RP1L1: variants seen among roughly 807,000 people sequenced by gnomAD.
RP1L1 encodes retinitis pigmentosa 1-like 1 protein.
In RP1L1, 27 loss-of-function variants were observed where a neutral mutation model predicts 15.7. The observed-to-expected ratio is 1.72, with a 90% CI of 1.27 to 2.38. The LOEUF is 2.38. RP1L1 is among the 30% of genes most tolerant of loss of function. The pLI, the probability that RP1L1 is intolerant of heterozygous loss-of-function variation, is 0.00. For synonymous variants in RP1L1, 1,813 were observed against 1,276.7 expected, an observed-to-expected ratio of 1.42 and a Z score of -8.96; for missense variants, 4,798 against 3,075.9, an observed-to-expected ratio of 1.56 and a Z score of -13.24.
chr8:10,650,964 A>G (rs1798551094), intron 1 of RP1L1, among the ~76,000 whole-genome samples: 1 of 152,252 alleles, frequency 6.6e-6, no homozygotes, highest in African/African-American at 2.4e-5. Flanking sequence ...TTGATAAGTG[A>G]GCAAGTGAAA....
chr8:10,621,220 TG>T (rs1267451258), intron 2 of RP1L1: 1 of 154,878 alleles, frequency 6.5e-6, no homozygotes, highest in Non-Finnish European at 1.4e-5. Context: ...AATGCGATTG[TG>T]GGGAGAAGGT....
chr8:10,612,819 C>T lies in RP1L1; in HGVS notation c.1279G>A (p.Gly427Arg). 5.6e-6 allele frequency: 9 copies of T among 1,612,072 alleles called. No individual in the cohort carries two copies. Among genetic ancestry groups the T allele is most frequent in the Non-Finnish European group, 7.6e-6 (9 of 1,179,864 alleles). Reference sequence around the variant, plus strand: ...CTGCAGCGGACGTGCTGGGCCAGTCCCCACCTCTTCCGAGCTGCCACTCTC... The same window carrying T: ...CTGCAGCGGACGTGCTGGGCCAGTCTCCACCTCTTCCGAGCTGCCACTCTC... ...GERVAARKRW[G>R]LAQHVRCSGL... Residue 427 changes from glycine (G) to arginine (R), a missense_variant, in exon 4 of 4, where the codon GGA becomes AGA. Coordinates refer to ENST00000382483, the MANE Select transcript of RP1L1 (RefSeq NM_178857.6).
intron 1 of RP1L1, among the ~76,000 whole-genome samples, chr8:10,652,875 G>A (rs1393655371): frequency 2.0e-5 from 3 of 152,176 alleles, no homozygotes; most frequent in Non-Finnish European, 2.9e-5. Context: ...GAACAGAGCA[G>A]GTGCCTAGCT....
At position 10,610,915 on chromosome 8, in the gene RP1L1, G is replaced by A; in HGVS notation, c.3183C>T (p.Asp1061=). 1.2e-6 allele frequency: 2 copies of A among 1,610,958 alleles called. No homozygotes were observed. The highest frequency in any genetic ancestry group is 1.7e-6 in the Non-Finnish European group (2 of 1,179,196). ...CCCTGCAGCCTGCTGGGGCCTCTCT[G>A]TCTGCTCCGGCCTCTGCAGGGGCCT... ...VSEAPAEAGA[D]REAPAGCRVS... Residue 1061 remains aspartate (D), a synonymous_variant, in exon 4 of 4, where the codon GAC becomes GAT. Transcript: ENST00000382483.
In RP1L1 at chr8:10,610,359, G is replaced by C; in HGVS notation, c.3739C>G (p.Pro1247Ala). The C allele has an allele frequency of 1.9e-6, 3 of 1,614,116 alleles. No individual in the cohort carries two copies. The highest frequency in any genetic ancestry group is 2.5e-6 in the Non-Finnish European group (3 of 1,180,042). Residue 1247 changes from proline to alanine, a missense_variant, in exon 4 of 4, where the codon CCA becomes GCA. By Grantham distance (27) the Pro-to-Ala change is conservative (BLOSUM62 -1). Transcript: ENST00000382483. Reference protein sequence around the residue: ...QRPDSRTYESPGDLENQQQCC... With the variant: ...QRPDSRTYESAGDLENQQQCC... ...TGCTGTTGGTTTTCCAGATCCCCTG[G>C]GCTCTCATAAGTTCTTGAATCAGGC... is the stretch of plus-strand genomic sequence containing the variant.
At position 10,625,991 on chromosome 8, in the gene RP1L1, C is replaced by T. The variant is rs564923056; in HGVS notation, c.-19-2771G>A. 5.9e-5 allele frequency among the ~76,000 whole-genome samples: 9 copies of T among 151,682 alleles called. No homozygotes were observed. In the South Asian group the frequency reaches 1.9e-3, roughly 32 times the overall value. On this transcript the variant is annotated intron_variant, in intron 1 of 3. Coordinates refer to ENST00000382483, the MANE Select transcript of RP1L1 (RefSeq NM_178857.6). ...GCAGGGAAGGAAAGCAGAGGCCTTC[C>T]AGCTGTGTGTGGGAGGGGGTAGACG...
Position 10,612,380 on chromosome 8 carries a change from T to C in RP1L1, c.1718A>G (p.Asp573Gly). 1 of 1,612,606 alleles carries C rather than the reference T, an allele frequency of 6.2e-7. No homozygotes were observed. The highest frequency in any genetic ancestry group is 8.5e-7 in the Non-Finnish European group (1 of 1,179,960). ...TSQQEASEGG[D>G]PASPALSLSS... ...AAGACTCAGGGCTGGAGAAGCGGGG[T>C]CGCCTCCCTCGCTGGCCTCCTGCTG... The change falls in exon 4 of 4, where the codon GAC becomes GGC. Residue 573 changes from aspartate to glycine, a missense_variant. Physicochemically the swap from Asp to Gly is moderately conservative, Grantham distance 94 (BLOSUM62 -1). Transcript: ENST00000382483.
Position 10,610,591 on chromosome 8 carries a change from G to A in RP1L1, c.3507C>T (p.Asp1169=). The part of the protein sequence containing the change: ...PGCDVGEDQL[D]SGLWELTWSQ... Reference sequence around the variant, plus strand: ...TCCATGTGAGCTCCCAGAGGCCTGAGTCCAGCTGGTCTTCCCCAACGTCAC... The same window carrying A: ...TCCATGTGAGCTCCCAGAGGCCTGAATCCAGCTGGTCTTCCCCAACGTCAC... The change falls in exon 4 of 4, where the codon GAC becomes GAT. Residue 1169 remains aspartate, a synonymous_variant. Transcript: ENST00000382483. 1 of 1,613,610 alleles carries A rather than the reference G, an allele frequency of 6.2e-7. No homozygotes were observed.
At chr8:10,647,113 T>C (rs1798491133) in intron 1 of RP1L1, among the ~76,000 whole-genome samples, 1 of 152,212 alleles carries the variant, frequency 6.6e-6, no homozygotes, top group African/African-American at 2.4e-5. Flanking sequence ...CAGAACTCCC[T>C]GTAAAAGTGG....
chr8:10,629,550 C>CT (rs1798209227), intron 1 of RP1L1, among the ~76,000 whole-genome samples: 1 of 152,202 alleles, frequency 6.6e-6, no homozygotes, highest in Non-Finnish European at 1.5e-5. Flanking sequence ...CTTTAAACCA[C>CT]AGGTGTGGTC....
intron 1 of RP1L1, among the ~76,000 whole-genome samples, chr8:10,647,519 G>T (rs1254922211): frequency 6.6e-6 from 1 of 152,092 alleles, no homozygotes; most frequent in African/African-American, 2.4e-5. Flanking sequence ...GCCCCTGACA[G>T]CCACCATTTT....
chr8:10,625,296 A>G (rs1387511563), intron 1 of RP1L1, among the ~76,000 whole-genome samples: 1 of 152,174 alleles, frequency 6.6e-6, no homozygotes, highest in Non-Finnish European at 1.5e-5. Flanking sequence ...CAGGCCACCT[A>G]CAGGGTCACA....
At chr8:10,626,784 A>G (rs891611774) in intron 1 of RP1L1, among the ~76,000 whole-genome samples, 1 of 152,168 alleles carries the variant, frequency 6.6e-6, no homozygotes, top group Admixed American at 6.5e-5. Flanking sequence ...GCGAAGCACA[A>G]ATTGCTCACA....
Position 10,616,440 on chromosome 8 carries a change from A to G in RP1L1, c.751+6T>C, listed in dbSNP as rs780916998. On this transcript the variant is annotated splice_donor_region_variant and intron_variant, in intron 3 of 3. Coordinates refer to ENST00000382483, the MANE Select transcript of RP1L1 (RefSeq NM_178857.6). Reference sequence around the variant, plus strand: ...TCAGATGGGGGAAACCCAAAAACCAACTCACCGTTTTTGTTTCTTGAAGTC... The same window carrying G: ...TCAGATGGGGGAAACCCAAAAACCAGCTCACCGTTTTTGTTTCTTGAAGTC... The G allele has an allele frequency of 4.3e-6, 7 of 1,613,900 alleles. No individual in the cohort carries two copies. In the African/African-American group the frequency reaches 5.3e-5, roughly 12 times the overall value.
At position 10,610,966 on chromosome 8, in the gene RP1L1, T is replaced by C. The variant is rs1012284545; in HGVS notation, c.3132A>G (p.Gln1044=). 7.4e-6 allele frequency: 12 copies of C among 1,612,150 alleles called. No individual in the cohort carries two copies. The African/African-American group carries it at 1.2e-4, about 16-fold the overall frequency. ...CGGAAACTCCCTCTGGAGCTGCCCC[T>C]TGGGGGACACCCTCTCCTGATTGGG... ...TGPQSGEGVP[Q]GAAPEGVSEA... Residue 1044 remains glutamine, a synonymous_variant, in exon 4 of 4, where the codon CAA becomes CAG. Transcript: ENST00000382483.
At chr8:10,636,299 G>A (rs1020917140) in intron 1 of RP1L1, among the ~76,000 whole-genome samples, 10 of 152,190 alleles carry the variant, frequency 6.6e-5, no homozygotes, top group South Asian at 6.2e-4. Context: ...GCATGAAGGC[G>A]TCAACAAGAG....
chr8:10,629,933 T>C lies in RP1L1; in HGVS notation c.-19-6713A>G, dbSNP rs571163887. Among the ~76,000 whole-genome samples the C allele has an allele frequency of 4.6e-5, 7 of 152,282 alleles. No homozygotes were observed. The East Asian group carries it at 9.6e-4, about 21-fold the overall frequency. ...CTTATCCCCTACTCCCGCATGGCCC[T>C]GTCCACACCACGTAGGCATCAAGGT... On this transcript the variant is annotated intron_variant, in intron 1 of 3. Coordinates refer to ENST00000382483, the MANE Select transcript of RP1L1 (RefSeq NM_178857.6).
At chr8:10,647,192 A>G (rs1200672751) in intron 1 of RP1L1, among the ~76,000 whole-genome samples, 1 of 152,214 alleles carries the variant, frequency 6.6e-6, no homozygotes, top group Non-Finnish European at 1.5e-5. Flanking sequence ...GGGCCTCCCT[A>G]TAACGGAGAC....
At chr8:10,653,148 A>G (rs1396100270) in intron 1 of RP1L1, among the ~76,000 whole-genome samples, 1 of 152,232 alleles carries the variant, frequency 6.6e-6, no homozygotes, top group South Asian at 2.1e-4. Flanking sequence ...TACTTATTCA[A>G]TGACACAGGT....
Sources: gnomAD v4.1 joint callset for allele counts (sites outside exome capture counted in the v4.1 genomes callset) on GRCh38, gnomAD v4.1.1 for gene constraint, MANE v1.5 for transcripts, NCBI Gene and HGNC (gene_info 2026-07-23, HGNC 2026-07-21) for gene names.